ADD3: variants seen among roughly 807,000 people sequenced by gnomAD.
ADD3 encodes gamma-adducin.
ADD3 carries 25 observed loss-of-function variants against 80.2 expected under a neutral mutation model. The observed-to-expected ratio is 0.31, with a 90% CI of 0.23 to 0.44. The LOEUF (loss-of-function observed/expected upper bound fraction) is 0.44. Ranked by LOEUF, ADD3 falls within the 20% of genes least tolerant of loss-of-function variation. ADD3 has a pLI of 1.00. For missense variants in ADD3, 829 were observed against 847.5 expected (o/e 0.98, Z 0.27); for synonymous variants, 284 against 289.6 (o/e 0.98, Z 0.20).
chr10:110,097,327 T>C (rs1848286786), intron 1 of ADD3, among the ~76,000 whole-genome samples: 1 of 152,192 alleles, frequency 6.6e-6, no homozygotes, highest in African/African-American at 2.4e-5. Flanking sequence ...GGAAAGAACA[T>C]GGTATACTAT....
chr10:110,024,591 C>T (rs1171734223), intron 1 of ADD3, among the ~76,000 whole-genome samples: 1 of 152,242 alleles, frequency 6.6e-6, no homozygotes, highest in East Asian at 1.9e-4. Flanking sequence ...TGGGAGAAAA[C>T]ACTGAATTTG....
chr10:110,026,292 T>TC (rs1854293990), intron 1 of ADD3, among the ~76,000 whole-genome samples: 2 of 151,748 alleles, frequency 1.3e-5, no homozygotes, highest in South Asian at 4.2e-4. Context: ...GTTTTTTTTT[T>TC]TTTTTTGAAA....
At chr10:110,130,256 G>T in intron 12 of ADD3, 107 bp from the exon 13 acceptor site, 3 of 1,124,402 alleles carry the variant, frequency 2.7e-6, no homozygotes, top group African/African-American at 1.6e-5. Flanking sequence ...GTGAAATAAG[G>T]CTTCACAAAC....
intron 9 of ADD3, 120 bp from the exon 10 acceptor site, chr10:110,123,897 T>C: frequency 9.4e-7 from 1 of 1,065,296 alleles, no homozygotes; most frequent in Admixed American, 2.4e-5. Flanking sequence ...GAAGGATGCC[T>C]TTTTCTTTGT....
Position 110,124,050 on chromosome 10 carries a change from C to A in ADD3, c.1177C>A (p.Leu393Ile), listed in dbSNP as rs56241825. The stretch of plus-strand genomic sequence containing the variant: ...AACAGGCTATGCTTACAGGCATCCT[C>A]TCATTCGAGAGAAGCCTAGGCACAA... ...YRTGYAYRHP[L>I]IREKPRHKSD... Residue 393 changes from leucine (L) to isoleucine (I), a missense_variant, in exon 10 of 15, where the codon CTC becomes ATC. By Grantham distance (5) the Leu-to-Ile change is conservative. Coordinates refer to ENST00000356080, the MANE Select transcript of ADD3 (RefSeq NM_016824.5). 9 of 1,614,172 alleles carry A rather than the reference C, an allele frequency of 5.6e-6. No individual in the cohort carries two copies. The highest frequency in any genetic ancestry group is 7.6e-6 in the Non-Finnish European group (9 of 1,180,006).
At chr10:110,035,648 A>G (rs1855549336) in intron 1 of ADD3, among the ~76,000 whole-genome samples, 1 of 152,136 alleles carries the variant, frequency 6.6e-6, no homozygotes, top group Admixed American at 6.5e-5. Context: ...TTTAGCATGC[A>G]TTGGAAGCAC....
intron 1 of ADD3, among the ~76,000 whole-genome samples, chr10:110,069,558 C>T (rs1309910710): frequency 6.6e-6 from 1 of 151,590 alleles, no homozygotes; most frequent in East Asian, 1.9e-4. Flanking sequence ...TTTTTTTTCC[C>T]CTTCCCACCC....
rs1189499841 is a variant in ADD3, at chr10:110,070,976, G to GTT, written c.-29-29645_-29-29644dup. Among the ~76,000 whole-genome samples, 14 of 42,254 alleles carry GTT rather than the reference G, an allele frequency of 3.3e-4. 1 individual carries two copies. Among genetic ancestry groups the GTT allele is most frequent in the African/African-American group, 2.5e-3 (13 of 5,214 alleles). 27.7% of individuals were successfully genotyped at this position (42,254 alleles called of 152,430 possible). On this transcript the variant is annotated intron_variant, in intron 1 of 14. Coordinates refer to ENST00000356080, the MANE Select transcript of ADD3 (RefSeq NM_016824.5). ...TTTTGTTTGTTTTTAGTTTTTTGTTGTTTTTGGGGGGGGGGGGTGGGGAGC... is the reference window on the plus strand; with the variant it reads ...TTTTGTTTGTTTTTAGTTTTTTGTTGTTTTTTTGGGGGGGGGGGGTGGGGAGC...
chr10:110,054,162 A>G (rs1857854249), intron 1 of ADD3, among the ~76,000 whole-genome samples: 1 of 152,218 alleles, frequency 6.6e-6, no homozygotes, highest in Non-Finnish European at 1.5e-5. Context: ...AATGTGTGAA[A>G]GATGTACCTG....
chr10:110,087,937 G>GA (rs1847003191), intron 1 of ADD3, among the ~76,000 whole-genome samples: 1 of 152,128 alleles, frequency 6.6e-6, no homozygotes, highest in African/African-American at 2.4e-5. Flanking sequence ...GGGTCTGAGG[G>GA]AAAAATCTAT....
At chr10:110,037,788 T>C (rs899365281) in intron 1 of ADD3, among the ~76,000 whole-genome samples, 5 of 151,192 alleles carry the variant, frequency 3.3e-5, no homozygotes, top group Non-Finnish European at 7.4e-5. Flanking sequence ...AAATACAGGC[T>C]GGGCGCTGTG....
chr10:110,071,777 T>G (rs2133651123), intron 1 of ADD3, among the ~76,000 whole-genome samples: 2 of 152,338 alleles, frequency 1.3e-5, no homozygotes, highest in Middle Eastern at 6.8e-3. Context: ...GTTTGGTGAA[T>G]TTTTGTTTTA....
intron 8 of ADD3, 25 bp from the exon 9 acceptor site, chr10:110,122,085 C>T: frequency 6.3e-7 from 1 of 1,584,436 alleles, no homozygotes; most frequent in Non-Finnish European, 8.6e-7. Flanking sequence ...TTTTGTGTCT[C>T]TGTATATTTT....
intron 2 of ADD3, among the ~76,000 whole-genome samples, chr10:110,101,399 C>T (rs920119698): frequency 2.6e-5 from 4 of 152,056 alleles, no homozygotes; most frequent in South Asian, 2.1e-4. Flanking sequence ...TTTGGGAAGC[C>T]GAGGCAGGAG....
chr10:110,065,890 A>G (rs1361761494), intron 1 of ADD3, among the ~76,000 whole-genome samples: 1 of 151,516 alleles, frequency 6.6e-6, no homozygotes, highest in Admixed American at 6.6e-5. Context: ...TCTGTGCTTC[A>G]TTCTCGCTAG....
chr10:110,059,981 C>T (rs1311027544), intron 1 of ADD3, among the ~76,000 whole-genome samples: 1 of 152,090 alleles, frequency 6.6e-6, no homozygotes, highest in Non-Finnish European at 1.5e-5. Flanking sequence ...GCTGACACCT[C>T]GTCAAGGCTA....
At position 110,122,221 on chromosome 10, in the gene ADD3, A is replaced by G. The variant is rs777838743; in HGVS notation, c.1072A>G (p.Met358Val). Residue 358 changes from methionine (M) to valine (V), a missense_variant, in exon 9 of 15, where the codon ATG (methionine) becomes GTG (valine). Physicochemically the swap from Met to Val is conservative, Grantham distance 21. Transcript: ENST00000356080. ...VAASGGGGVN[M>V]GSHQKWKVGE... is the part of the protein sequence containing the mutation. ...AGCGTCTGGTGGAGGAGGTGTGAATATGGGTTCCCATCAAAAATGGAAGGT... is the reference window on the plus strand; with the variant it reads ...AGCGTCTGGTGGAGGAGGTGTGAATGTGGGTTCCCATCAAAAATGGAAGGT... 1 of 1,614,140 alleles carries G rather than the reference A, an allele frequency of 6.2e-7. No homozygotes were observed. The highest frequency in any genetic ancestry group is 8.5e-7 in the Non-Finnish European group (1 of 1,179,994).
intron 1 of ADD3, among the ~76,000 whole-genome samples, chr10:110,092,610 A>G (rs1264117441): frequency 2.0e-5 from 3 of 152,146 alleles, no homozygotes; most frequent in African/African-American, 2.4e-5. Flanking sequence ...AAAACTGCCT[A>G]TCAGGTCCTC....
chr10:110,013,470 T>C (rs915375095), intron 1 of ADD3, among the ~76,000 whole-genome samples: 1 of 152,150 alleles, frequency 6.6e-6, no homozygotes, highest in African/African-American at 2.4e-5. Flanking sequence ...GCAATTTCCA[T>C]AGGATAAACA....
Sources: gnomAD v4.1 joint callset for allele counts (sites outside exome capture counted in the v4.1 genomes callset) on GRCh38, gnomAD v4.1.1 for gene constraint, MANE v1.5 for transcripts, NCBI Gene and HGNC (gene_info 2026-07-23, HGNC 2026-07-21) for gene names.